Variants in PLXNA2 observed in about 807,000 individuals in gnomAD.
PLXNA2 encodes the protein plexin A2.
A neutral mutation model predicts 193.5 loss-of-function variants in PLXNA2; 91 were observed. That is an observed-to-expected ratio of 0.47 (90% confidence interval 0.40 to 0.56). The LOEUF (loss-of-function observed/expected upper bound fraction) is 0.56, where lower values mean the gene tolerates loss of function less well. PLXNA2 is among the 20% of genes least tolerant of loss of function. The pLI, the probability that PLXNA2 is intolerant of heterozygous loss-of-function variation, is 0.00. For synonymous variants in PLXNA2, 997 were observed against 1,027.3 expected (o/e 0.97, Z 0.56); for missense variants, 1,995 against 2,503.2 (o/e 0.80, Z 4.33).
intron 9 of PLXNA2, among the ~76,000 whole-genome samples, chr1:208,092,511 C>T (rs1469045634): frequency 6.6e-6 from 1 of 152,252 alleles, no homozygotes; most frequent in Non-Finnish European, 1.5e-5. Flanking sequence ...TATGTTTCCT[C>T]TAAGCTTTCA....
chr1:208,203,183 T>G (rs950629711), intron 3 of PLXNA2, among the ~76,000 whole-genome samples: 1 of 152,198 alleles, frequency 6.6e-6, no homozygotes, highest in Admixed American at 6.5e-5. Context: ...AGACCAGTTC[T>G]GGGGACCCAA....
At chr1:208,067,160 C>T (rs1440458412) in intron 12 of PLXNA2, among the ~76,000 whole-genome samples, 1 of 152,004 alleles carries the variant, frequency 6.6e-6, no homozygotes, top group Non-Finnish European at 1.5e-5. Flanking sequence ...GCCTGAGCAA[C>T]ATGGGGAAAC....
intron 7 of PLXNA2, 149 bp from the exon 8 acceptor site, chr1:208,096,274 T>G (rs1283188938): frequency 1.5e-6 from 1 of 656,336 alleles, no homozygotes; most frequent in Admixed American, 2.6e-5. Context: ...TCGTCTCTTC[T>G]CCTCCCAAGG....
chr1:208,188,982 A>G (rs1328921482), intron 3 of PLXNA2, among the ~76,000 whole-genome samples: 2 of 152,162 alleles, frequency 1.3e-5, no homozygotes. Context: ...CCACCTTAGG[A>G]TGGAAAGGAC....
intron 3 of PLXNA2, among the ~76,000 whole-genome samples, chr1:208,154,092 C>T (rs979914451): frequency 2.6e-5 from 4 of 152,152 alleles, no homozygotes; most frequent in Admixed American, 2.6e-4. Flanking sequence ...TCTCTTTGCT[C>T]CCTGCCATCA....
intron 12 of PLXNA2, among the ~76,000 whole-genome samples, chr1:208,075,653 T>C (rs757498736): frequency 1.6e-4 from 25 of 152,248 alleles, no homozygotes; most frequent in Non-Finnish European, 2.8e-4. Context: ...CCTGAAACAA[T>C]TATTACTTGT....
At chr1:208,098,331 A>C (rs1388844394) in intron 6 of PLXNA2, among the ~76,000 whole-genome samples, 3 of 152,106 alleles carry the variant, frequency 2.0e-5, no homozygotes, top group African/African-American at 2.4e-5. Context: ...TTTGGGTTGT[A>C]CCTTGATAGA....
chr1:208,227,814 G>A (rs948288905), intron 1 of PLXNA2, among the ~76,000 whole-genome samples: 1 of 152,220 alleles, frequency 6.6e-6, no homozygotes, highest in African/African-American at 2.4e-5. Context: ...CTGTACAAGG[G>A]AGAGCCAGGG....
chr1:208,175,997 G>A (rs1361813983), intron 3 of PLXNA2, among the ~76,000 whole-genome samples: 1 of 152,234 alleles, frequency 6.6e-6, no homozygotes, highest in Admixed American at 6.5e-5. Flanking sequence ...GAACCAACCA[G>A]CCTTACGTAC....
At position 208,184,351 on chromosome 1, in the gene PLXNA2, G is replaced by A. The variant is rs1005430800; in HGVS notation, c.1371+25929C>T. Among the ~76,000 whole-genome samples, 10 of 152,120 alleles carry A rather than the reference G, an allele frequency of 6.6e-5. No homozygotes were observed. The East Asian group carries it at 1.5e-3, about 23-fold the overall frequency. On this transcript the variant is annotated intron_variant, in intron 3 of 31. Coordinates refer to ENST00000367033, the MANE Select transcript of PLXNA2 (RefSeq NM_025179.4). ...GGGGGACGCTGTCTGTAGCAAAAGA[G>A]GAATTCAGGTGGTAGCTACAGCCAA...
chr1:208,065,377 G>C (rs1665757685), intron 12 of PLXNA2, among the ~76,000 whole-genome samples: 1 of 152,190 alleles, frequency 6.6e-6, no homozygotes, highest in South Asian at 2.1e-4. Flanking sequence ...ACACCTACAA[G>C]TTATGTGACC....
chr1:208,096,745 T>C lies in PLXNA2; in HGVS notation c.1870A>G (p.Ile624Val). ...TATTTCTTACCTTGATCCAGCGGGA[T>C]GACAGGGACATCCTTGGGCCCAGGT... Reference protein sequence around the residue: ...ISPGPKDVPVIPLDQDWFGLE... With the variant: ...ISPGPKDVPVVPLDQDWFGLE... Residue 624 changes from isoleucine (I) to valine (V), a missense_variant, in exon 7 of 32, where the codon ATC (isoleucine) becomes GTC (valine). Coordinates refer to ENST00000367033, the MANE Select transcript of PLXNA2 (RefSeq NM_025179.4). 1 of 1,614,158 alleles carries C rather than the reference T, an allele frequency of 6.2e-7. No homozygotes were observed. Among genetic ancestry groups the C allele is most frequent in the South Asian group, 1.1e-5 (1 of 91,064 alleles).
At chr1:208,169,836 G>GAA (rs113285825) in intron 3 of PLXNA2, among the ~76,000 whole-genome samples, 20 of 144,048 alleles carry the variant, frequency 1.4e-4, no homozygotes, top group African/African-American at 4.6e-4. Flanking sequence ...TTTATAAAAT[G>GAA]AAAAAAAAAA....
chr1:208,057,760 C>T (rs536871914), intron 13 of PLXNA2, among the ~76,000 whole-genome samples: 14 of 152,300 alleles, frequency 9.2e-5, no homozygotes, highest in Non-Finnish European at 1.5e-4. Flanking sequence ...AGCCATCCAG[C>T]TTTGACATCT....
At chr1:208,210,541 T>C in intron 2 of PLXNA2, 79 bp from the exon 3 acceptor site, 3 of 1,310,876 alleles carry the variant, frequency 2.3e-6, no homozygotes, top group Non-Finnish European at 3.1e-6. Context: ...ATCCACAACT[T>C]CCAGCCTTAG....
rs139744523 is a variant in PLXNA2, at chr1:208,217,836, G to T, written c.87C>A (p.Ala29=). ...ACTGAGGCATGCCGGCTGCTGGGGGGGCCAGCAGCACCCAGACCACTGAGA... is the reference window on the plus strand; with the variant it reads ...ACTGAGGCATGCCGGCTGCTGGGGGTGCCAGCAGCACCCAGACCACTGAGA... The part of the protein sequence containing the change: ...VLLSVVWVLL[A]PPAAGMPQFS... Residue 29 remains alanine, a synonymous_variant, in exon 2 of 32, where the codon GCC becomes GCA. Coordinates refer to ENST00000367033, the MANE Select transcript of PLXNA2 (RefSeq NM_025179.4). The surrounding 1 kb of genome is among the most constrained non-coding windows in gnomAD (Gnocchi z 4.7). The T allele has an allele frequency of 8.1e-5, 131 of 1,614,048 alleles. No individual in the cohort carries two copies. The highest frequency in any genetic ancestry group is 5.3e-4 in the East Asian group (24 of 44,870).
chr1:208,209,893 T>C, intron 3 of PLXNA2: 1 of 252,858 alleles, frequency 4.0e-6, no homozygotes, highest in South Asian at 4.5e-5. Context: ...TAATCAAGTT[T>C]ACAGGTTCTA....
intron 3 of PLXNA2, among the ~76,000 whole-genome samples, chr1:208,186,758 GCGGGA>G: frequency 6.7e-6 from 1 of 149,050 alleles, no homozygotes; most frequent in Admixed American, 6.7e-5. Flanking sequence ...TGTCGCCCAG[GCGGGA>G]CTGCGGACTG....
intron 4 of PLXNA2, among the ~76,000 whole-genome samples, chr1:208,107,771 G>A (rs1667320286): frequency 6.6e-6 from 1 of 152,098 alleles, no homozygotes; most frequent in Non-Finnish European, 1.5e-5. Flanking sequence ...TCCACTCTGA[G>A]TGCTGGGATC....
Sources: allele counts gnomAD v4.1 joint callset (sites outside exome capture counted in the v4.1 genomes callset), GRCh38; gene constraint gnomAD v4.1.1; non-coding constraint Gnocchi (gnomAD v3.1); transcripts MANE v1.5; gene names NCBI Gene and HGNC (gene_info 2026-07-23, HGNC 2026-07-21).